The following WWOX variants were observed in gnomAD, a reference collection of about 807,000 sequenced individuals.
The protein encoded by WWOX is WW domain containing oxidoreductase, also known as WW domain-containing oxidoreductase.
A neutral mutation model predicts 46.2 loss-of-function variants in WWOX; 69 were observed. The ratio of observed to expected loss-of-function variants is 1.49; its 90% CI spans 1.23 to 1.82. The LOEUF (loss-of-function observed/expected upper bound fraction) is 1.82, where lower values mean the gene tolerates loss of function less well. WWOX is among the 40% of genes most tolerant of loss of function. The pLI, the probability that WWOX is intolerant of heterozygous loss-of-function variation, is 0.00. For synonymous variants in WWOX, 359 were observed against 202.6 expected, an observed-to-expected ratio of 1.77 and a Z score of -6.56; for missense variants, 919 against 542.6, an observed-to-expected ratio of 1.69 and a Z score of -6.89.
chr16:78,338,731 C>T lies in WWOX; in HGVS notation c.517-48129C>T, dbSNP rs532937576. The stretch of plus-strand genomic sequence containing the variant: ...TAATATGTGATTGTCTACATGTTTA[C>T]AAGTTACCGCCTTTTTATTTCTTCT... On this transcript the variant is annotated intron_variant, in intron 5 of 8. Coordinates refer to ENST00000566780, the MANE Select transcript of WWOX (RefSeq NM_016373.4). Among the ~76,000 whole-genome samples, 34 of 121,646 alleles carry T rather than the reference C, an allele frequency of 2.8e-4. 8 individuals are homozygous for T. The highest frequency in any genetic ancestry group is 4.0e-3 in the Middle Eastern group (1 of 248). The allele number at this position is 121,646 out of a possible 152,430, so 79.8% of individuals were successfully genotyped here. A position where few individuals can be genotyped will look rare whatever the true frequency, so the allele number is the denominator to read the frequency against.
intron 8 of WWOX, among the ~76,000 whole-genome samples, chr16:78,628,876 A>G (rs967257387): frequency 2.6e-5 from 4 of 152,176 alleles, no homozygotes; most frequent in Non-Finnish European, 4.4e-5. Flanking sequence ...TGAATCTCCC[A>G]TTAGTGATGG....
At chr16:78,825,297 C>T (rs1597676340) in intron 8 of WWOX, 1 of 294,526 alleles carries the variant, frequency 3.4e-6, no homozygotes, top group South Asian at 4.2e-5. Flanking sequence ...GCGCGAATTT[C>T]CAAGAAGAGG....
At chr16:78,479,024 G>T (rs1212713651) in intron 8 of WWOX, among the ~76,000 whole-genome samples, 1 of 152,028 alleles carries the variant, frequency 6.6e-6, no homozygotes, top group Admixed American at 6.6e-5. Context: ...ATGACTGTAG[G>T]AATCACCAAT....
At chr16:78,800,364 T>G (rs2050854523) in intron 8 of WWOX, among the ~76,000 whole-genome samples, 1 of 152,174 alleles carries the variant, frequency 6.6e-6, no homozygotes, top group Non-Finnish European at 1.5e-5. Flanking sequence ...GCTTTAAAAT[T>G]CCGCTTGGAA....
In WWOX at chr16:78,891,046, G is replaced by A. The variant is rs922589817; in HGVS notation, c.1057-320562G>A. 15 of 152,212 alleles carry A rather than the reference G, an allele frequency of 9.9e-5. No individual in the cohort carries two copies. The East Asian group carries it at 2.9e-3, about 29-fold the overall frequency. 9.4% of individuals were successfully genotyped at this position (152,212 alleles called of 1,614,324 possible). On this transcript the variant is annotated intron_variant, in intron 8 of 8. Coordinates refer to ENST00000566780, the MANE Select transcript of WWOX (RefSeq NM_016373.4). ...CTTTCCTAAATCCCTCAATATGATG[G>A]CTAGTCTGTTTCATAGTGAATAAAA...
chr16:79,199,800 GCTGACACCTCC>G (rs1403514616), intron 8 of WWOX, among the ~76,000 whole-genome samples: 1 of 152,114 alleles, frequency 6.6e-6, no homozygotes, highest in Non-Finnish European at 1.5e-5. Context: ...TGTGTTCCTC[GCTGACACCTCC>G]CTGAGTAGCA....
At chr16:79,119,462 G>A (rs968088969) in intron 8 of WWOX, among the ~76,000 whole-genome samples, 8 of 152,166 alleles carry the variant, frequency 5.3e-5, no homozygotes, top group African/African-American at 9.7e-5. Flanking sequence ...AGTGCCATCC[G>A]CGCTCCATGA....
At chr16:79,189,365 C>T (rs1000987695) in intron 8 of WWOX, among the ~76,000 whole-genome samples, 1 of 151,594 alleles carries the variant, frequency 6.6e-6, no homozygotes, top group Non-Finnish European at 1.5e-5. Context: ...TTAGGTGATC[C>T]TCCTGTCTCA....
In WWOX at chr16:78,347,387, G is replaced by C. The variant is rs905037735; in HGVS notation, c.517-39473G>C. On this transcript the variant is annotated intron_variant, in intron 5 of 8. Transcript: ENST00000566780. ...TGTCTAGTTCCAAGTATCTGTCCAT[G>C]GTGTTGGTCCCAGGTTATTCGCACC... Among the ~76,000 whole-genome samples the C allele has an allele frequency of 6.0e-5, 7 of 117,594 alleles. 2 individuals are homozygous for C. The highest frequency in any genetic ancestry group is 5.2e-4 in the South Asian group (2 of 3,864). 77.1% of individuals were successfully genotyped at this position (117,594 alleles called of 152,430 possible). A position where few individuals can be genotyped will look rare whatever the true frequency, so the allele number is the denominator to read the frequency against.
intron 8 of WWOX, among the ~76,000 whole-genome samples, chr16:78,616,078 T>G (rs1040639446): frequency 1.3e-5 from 2 of 152,082 alleles, no homozygotes; most frequent in South Asian, 4.1e-4. Context: ...AAGATAACAT[T>G]AGCTATTCTT....
chr16:78,424,281 C>G (rs2151959520), intron 6 of WWOX, among the ~76,000 whole-genome samples: 1 of 151,890 alleles, frequency 6.6e-6, no homozygotes, highest in Non-Finnish European at 1.5e-5. Flanking sequence ...CCACACCTGG[C>G]TAATTTTTTT....
In WWOX at chr16:78,153,728, C is replaced by T. The variant is rs377635261; in HGVS notation, c.410-10455C>T. On this transcript the variant is annotated intron_variant, in intron 4 of 8. Transcript: ENST00000566780. ...AATAATAACCACCCATTAGAAATTA[C>T]GGGTATTGTAAGCCCCAACTCCTTT... Among the ~76,000 whole-genome samples the T allele has an allele frequency of 9.5e-4, 145 of 152,196 alleles. 1 individual carries two copies. The highest frequency in any genetic ancestry group is 3.4e-3 in the Middle Eastern group (1 of 294).
At chr16:78,530,954 A>C (rs1470654477) in intron 8 of WWOX, among the ~76,000 whole-genome samples, 1 of 152,218 alleles carries the variant, frequency 6.6e-6, no homozygotes, top group Non-Finnish European at 1.5e-5. Context: ...GGGATGAAAA[A>C]AGTTAGGCTC....
intron 4 of WWOX, among the ~76,000 whole-genome samples, chr16:78,152,725 C>T (rs150810467): frequency 7.1e-4 from 108 of 152,340 alleles, no homozygotes; most frequent in African/African-American, 2.4e-3. Context: ...CACTAGTAGC[C>T]AGCCTGGGGT....
intron 8 of WWOX, among the ~76,000 whole-genome samples, chr16:78,593,809 T>G (rs1357533054): frequency 1.3e-5 from 2 of 151,794 alleles, no homozygotes; most frequent in Non-Finnish European, 2.9e-5. Flanking sequence ...AAGATAGAGC[T>G]AGCATGATTG....
At chr16:79,071,598 G>A (rs958672326) in intron 8 of WWOX, among the ~76,000 whole-genome samples, 8 of 152,234 alleles carry the variant, frequency 5.3e-5, no homozygotes, top group Non-Finnish European at 1.2e-4. Flanking sequence ...CCAGCCTCCT[G>A]TCCCATTACA....
rs2081099299 is a variant in WWOX at position 78,346,622 on chromosome 16, T to A, written c.517-40238T>A. On this transcript the variant is annotated intron_variant, in intron 5 of 8. Transcript: ENST00000566780. ...CATAGTGGTATTTTGTTGTATATTT[T>A]TTTTTAATTGTGAAATATGTGAGTA... Among the ~76,000 whole-genome samples the A allele has an allele frequency of 2.5e-5, 3 of 120,792 alleles. 1 individual carries two copies. Among genetic ancestry groups the A allele is most frequent in the African/African-American group, 8.4e-5 (3 of 35,606 alleles). 79.2% of individuals were successfully genotyped at this position (120,792 alleles called of 152,430 possible).
rs766407052 is a variant in WWOX, at chr16:78,415,936, C to CAG, written c.606-8930_606-8929dup. Among the ~76,000 whole-genome samples the CAG allele has an allele frequency of 8.5e-5, 13 of 152,288 alleles. 1 individual carries two copies. Among genetic ancestry groups the CAG allele is most frequent in the Middle Eastern group, 3.4e-3 (1 of 294 alleles). On this transcript the variant is annotated intron_variant, in intron 6 of 8. Transcript: ENST00000566780. The stretch of plus-strand genomic sequence containing the variant: ...ATAGCATCCCCACAGTCAGCAGACA[C>CAG]AGAGAATGCCATGGGGCCACTCATC...
At chr16:78,660,861 C>CT (rs2047193535) in intron 8 of WWOX, among the ~76,000 whole-genome samples, 1 of 152,158 alleles carries the variant, frequency 6.6e-6, no homozygotes, top group Non-Finnish European at 1.5e-5. Flanking sequence ...TTATTACCTA[C>CT]TTTTTCCATT....
Sources: gnomAD v4.1 joint callset for allele counts (sites outside exome capture counted in the v4.1 genomes callset) on GRCh38, gnomAD v4.1.1 for gene constraint, MANE v1.5 for transcripts, NCBI Gene and HGNC (gene_info 2026-07-23, HGNC 2026-07-21) for gene names.